Variants in MYLK observed in about 807,000 individuals in gnomAD.
MYLK encodes myosin light chain kinase, smooth muscle.
In MYLK, 106 loss-of-function variants were observed where a neutral mutation model predicts 203.4. The observed-to-expected ratio is 0.52, with a 90% CI of 0.45 to 0.61. The LOEUF is 0.61. Ranked by LOEUF, MYLK falls within the 20% of genes least tolerant of loss-of-function variation. The probability of loss-of-function intolerance (pLI) is 0.00; values close to 1 mark genes in which losing one functional copy is unlikely to be tolerated. For missense variants in MYLK, 2,072 were observed against 2,442.3 expected, an observed-to-expected ratio of 0.85 and a Z score of 3.20; for synonymous variants, 867 against 959.5, an observed-to-expected ratio of 0.90 and a Z score of 1.78.
chr3:123,859,233 T>G (rs780713465), intron 2 of MYLK, among the ~76,000 whole-genome samples: 1 of 152,256 alleles, frequency 6.6e-6, no homozygotes, highest in Non-Finnish European at 1.5e-5. Flanking sequence ...GTGCAGAAAA[T>G]GCCTTACAGG....
At chr3:123,701,551 G>T in intron 16 of MYLK, 42 bp from the exon 17 acceptor site, 6 of 1,595,376 alleles carry the variant, frequency 3.8e-6, no homozygotes, top group Non-Finnish European at 5.2e-6. Flanking sequence ...GAGGCCCTCT[G>T]GGCAAAGGGC....
chr3:123,750,024 A>T (rs573758853), intron 5 of MYLK, among the ~76,000 whole-genome samples: 2 of 152,360 alleles, frequency 1.3e-5, no homozygotes, highest in African/African-American at 4.8e-5. Context: ...CTAGCCTGGC[A>T]CAGCCAGCAA....
Position 123,733,008 on chromosome 3 carries a change from G to T in MYLK, c.1404C>A (p.Gly468=). 1 of 1,614,208 alleles carries T rather than the reference G, an allele frequency of 6.2e-7. No individual in the cohort carries two copies. The highest frequency in any genetic ancestry group is 2.2e-5 in the East Asian group (1 of 44,880). ...EGSIEVYEDA[G]SHYLCLLKAR... is the part of the protein sequence containing the mutation. ...CTTTCAGCAGGCAGAGGTAATGGGA[G>T]CCAGCATCTTCATAAACCTCAATGC... The change falls in exon 11 of 34, where the codon GGC becomes GGA. Residue 468 remains glycine, a synonymous_variant. Transcript: ENST00000360304.
chr3:123,611,518 C>T lies in MYLK; in HGVS notation c.*2587G>A, dbSNP rs74280596. On this transcript the variant is annotated 3_prime_UTR_variant, in exon 34 of 34. Transcript: ENST00000360304. Reference sequence around the variant, plus strand: ...ATTTTAGCATCTTGAGGACCTGATACTCTGTAACAGTGGTCCCTAACCTTT... The same window carrying T: ...ATTTTAGCATCTTGAGGACCTGATATTCTGTAACAGTGGTCCCTAACCTTT... 6.6e-6 allele frequency: 1 copy of T among 152,132 alleles called. No individual in the cohort carries two copies. The highest frequency in any genetic ancestry group is 1.9e-4 in the East Asian group (1 of 5,192). 9.4% of individuals were successfully genotyped at this position (152,132 alleles called of 1,614,324 possible). A position where few individuals can be genotyped will look rare whatever the true frequency, so the allele number is the denominator to read the frequency against.
chr3:123,688,367 C>A, intron 19 of MYLK, among the ~76,000 whole-genome samples: 1 of 152,132 alleles, frequency 6.6e-6, no homozygotes, highest in Non-Finnish European at 1.5e-5. Flanking sequence ...TTCACTCCCC[C>A]ATGAAAACTG....
Position 123,699,164 on chromosome 3 carries a change from G to A in MYLK, c.3448+856C>T, listed in dbSNP as rs57903153. ...CCAGAATGGGGTGTGGAGGTCGGCC[G>A]GCCTCAGAGCTCCCACCCAGACTTG... On this transcript the variant is annotated intron_variant, in intron 18 of 33. Transcript: ENST00000360304. 9.5e-3 allele frequency among the ~76,000 whole-genome samples: 1,444 copies of A among 151,972 alleles called. 21 individuals carry two copies. Among genetic ancestry groups the A allele is most frequent in the African/African-American group, 0.031 (1,267 of 41,438 alleles).
In MYLK at chr3:123,613,890, C is replaced by G. The variant is rs948559235; in HGVS notation, c.*215G>C. The G allele has an allele frequency of 1.2e-5, 7 of 584,804 alleles. No individual in the cohort carries two copies. Among genetic ancestry groups the G allele is most frequent in the Middle Eastern group, 4.6e-4 (1 of 2,196 alleles). The allele number at this position is 584,804 out of a possible 1,614,324, so 36.2% of individuals were successfully genotyped here. ...TTTCCCTAAATGAAATCTAGCTGCACTAGTATCTTAAGGTGCCAACTAACA... is the reference window on the plus strand; with the variant it reads ...TTTCCCTAAATGAAATCTAGCTGCAGTAGTATCTTAAGGTGCCAACTAACA... On this transcript the variant is annotated 3_prime_UTR_variant, in exon 34 of 34. Transcript: ENST00000360304.
At chr3:123,848,537 C>T (rs1479955688) in intron 2 of MYLK, among the ~76,000 whole-genome samples, 1 of 152,174 alleles carries the variant, frequency 6.6e-6, no homozygotes, top group Admixed American at 6.5e-5. Flanking sequence ...ACTTCCCTGG[C>T]TCCCTTGCAG....
chr3:123,747,177 C>T (rs535812618), intron 5 of MYLK, among the ~76,000 whole-genome samples: 2 of 152,126 alleles, frequency 1.3e-5, no homozygotes, highest in South Asian at 2.1e-4. Flanking sequence ...CAAGGTGGCC[C>T]GAGAATCCTG....
chr3:123,726,179 A>C (rs1576751579), intron 11 of MYLK, 101 bp from the exon 12 acceptor site: 2 of 1,492,278 alleles, frequency 1.3e-6, no homozygotes, highest in Non-Finnish European at 1.8e-6. Flanking sequence ...TGTCCTGGAC[A>C]CCTGGGTACC....
Position 123,734,053 on chromosome 3 carries a change from G to A in MYLK, c.943C>T (p.Gln315Ter), listed in dbSNP as rs953477300. The A allele has an allele frequency of 1.9e-6, 3 of 1,613,844 alleles. No homozygotes were observed. The highest frequency in any genetic ancestry group is 3.3e-5 in the Admixed American group (2 of 60,004). The change falls in exon 10 of 34, where the codon CAG becomes TAG. Residue 315 changes from glutamine (Q) to a stop codon, truncating the protein, a stop_gained. Transcript: ENST00000360304. LOFTEE classifies it high-confidence loss of function. Reference sequence around the variant, plus strand: ...TCCAGCTTGGACTCCCTTGGGGGCTGAGGCTGGCTGTTTGCAGCCCAGGGT... The same window carrying A: ...TCCAGCTTGGACTCCCTTGGGGGCTAAGGCTGGCTGTTTGCAGCCCAGGGT... ...SPPWAANSQP[Q>*]PPRESKLESC...
chr3:123,750,268 TTTTAA>T (rs1389577008), intron 5 of MYLK, among the ~76,000 whole-genome samples: 23 of 152,338 alleles, frequency 1.5e-4, no homozygotes, highest in Admixed American at 1.5e-3. Context: ...TGTATTTTAA[TTTTAA>T]TTTGAGGGCC....
intron 2 of MYLK, among the ~76,000 whole-genome samples, chr3:123,835,029 T>A (rs537356232): frequency 6.6e-6 from 1 of 152,316 alleles, no homozygotes; most frequent in East Asian, 1.9e-4. Context: ...TTTATTTCTT[T>A]ATATGTCTAA....
intron 4 of MYLK, among the ~76,000 whole-genome samples, chr3:123,756,061 G>C (rs1261444287): frequency 6.6e-6 from 1 of 152,168 alleles, no homozygotes; most frequent in Non-Finnish European, 1.5e-5. Flanking sequence ...CTAGAAAAGA[G>C]GCCTGGAGAA....
In MYLK at chr3:123,700,392, C is replaced by G. The variant is rs778578954; in HGVS notation, c.3076G>C (p.Val1026Leu). 2 of 1,613,778 alleles carry G rather than the reference C, an allele frequency of 1.2e-6. No homozygotes were observed. The highest frequency in any genetic ancestry group is 8.5e-7 in the Non-Finnish European group (1 of 1,179,974). The change falls in exon 18 of 34, where the codon GTG becomes CTG. Residue 1026 changes from valine to leucine, a missense_variant. This residue lies in a region of MYLK where 865 missense variants were observed against 1,016.0 expected (regional missense o/e 0.85). Transcript: ENST00000360304. The part of the protein sequence containing the change: ...NAQPSGPLKP[V>L]GNAKPAETLK... ...GTCTCAGCAGGCTTGGCGTTGCCCA[C>G]GGGTTTCAAGGGCCCTGAAGGCTGT...
At chr3:123,669,165 C>T (rs1477877718) in intron 20 of MYLK, among the ~76,000 whole-genome samples, 2 of 152,240 alleles carry the variant, frequency 1.3e-5, no homozygotes, top group East Asian at 3.8e-4. Flanking sequence ...CAGGGGCACA[C>T]TGAGATCACC....
chr3:123,669,106 G>A (rs2059828708), intron 20 of MYLK, among the ~76,000 whole-genome samples: 1 of 152,244 alleles, frequency 6.6e-6, no homozygotes, highest in Non-Finnish European at 1.5e-5. Flanking sequence ...GACACGTGCT[G>A]CTGCCCAGTG....
intron 3 of MYLK, among the ~76,000 whole-genome samples, chr3:123,795,576 A>G (rs1577000796): frequency 2.6e-5 from 4 of 152,324 alleles, no homozygotes; most frequent in East Asian, 3.9e-4. Context: ...AGGCTGGGAA[A>G]ACGTTGCAGT....
chr3:123,773,677 G>C (rs998546674), intron 4 of MYLK, among the ~76,000 whole-genome samples: 2 of 152,168 alleles, frequency 1.3e-5, no homozygotes, highest in African/African-American at 4.8e-5. Context: ...AGCAGAGGAG[G>C]GTGAGGCTTC....
Sources: allele counts gnomAD v4.1 joint callset (sites outside exome capture counted in the v4.1 genomes callset), GRCh38; gene constraint gnomAD v4.1.1; regional missense constraint gnomAD v4.1.1; transcripts MANE v1.5; gene names NCBI Gene and HGNC (gene_info 2026-07-23, HGNC 2026-07-21).